Variants in TUBGCP5 observed in about 807,000 individuals in gnomAD.
TUBGCP5 encodes tubulin gamma complex component 5, also known as gamma-tubulin complex component 5.
A neutral mutation model predicts 134.7 loss-of-function variants in TUBGCP5; 98 were observed. The ratio of observed to expected loss-of-function variants is 0.73; its 90% CI spans 0.62 to 0.86. The LOEUF is 0.86. Among genes scored for constraint, TUBGCP5 ranks in the 40% least tolerant of loss-of-function variants. TUBGCP5 has a pLI of 0.00. For synonymous variants in TUBGCP5, 456 were observed against 431.4 expected (o/e 1.06, Z -0.71); for missense variants, 1,150 against 1,244.8 (o/e 0.92, Z 1.15).
chr15:23,019,961 A>G (rs1442942715), intron 11 of TUBGCP5, among the ~76,000 whole-genome samples: 7 of 151,548 alleles, frequency 4.6e-5, no homozygotes, highest in East Asian at 2.0e-4. Context: ...TCTAAATCCT[A>G]TTACTAGCAA....
chr15:23,001,294 T>A (rs1032135503), intron 21 of TUBGCP5, among the ~76,000 whole-genome samples: 1 of 149,258 alleles, frequency 6.7e-6, no homozygotes, highest in Non-Finnish European at 1.5e-5. Context: ...CTGCCCCCAC[T>A]GGCCTCCCAA....
intron 10 of TUBGCP5, chr15:23,023,643 ACT>A (rs1194072360): frequency 3.5e-6 from 1 of 287,882 alleles, no homozygotes; most frequent in Non-Finnish European, 6.6e-6. Context: ...GTATGTTGAA[ACT>A]CTTTCTGGAA....
intron 20 of TUBGCP5, among the ~76,000 whole-genome samples, chr15:23,003,632 GTTTTTTTTTTTTTTTTTT>G (rs531926227): frequency 1.5e-4 from 13 of 88,690 alleles, no homozygotes; most frequent in African/African-American, 4.8e-4. Flanking sequence ...TCCTCCTTCT[GTTTTTTTTTTTTTTTTTT>G]TTTTTTTTTT....
chr15:23,016,293 G>A (rs1178669813), intron 13 of TUBGCP5, among the ~76,000 whole-genome samples: 1 of 152,204 alleles, frequency 6.6e-6, no homozygotes, highest in Non-Finnish European at 1.5e-5. Flanking sequence ...AGGAGTTCGA[G>A]ATCAGCCTGG....
Position 23,029,476 on chromosome 15 carries a change from C to T in TUBGCP5, c.622+1409G>A, listed in dbSNP as rs555219513. ...CCTCAAGTGATCCACCCAGCTCGGC[C>T]TCCCAAAGTGCTGCGATTACAGGCG... On this transcript the variant is annotated intron_variant, in intron 6 of 22. Coordinates refer to ENST00000615383, the MANE Select transcript of TUBGCP5 (RefSeq NM_052903.6). 5.9e-3 allele frequency among the ~76,000 whole-genome samples: 898 copies of T among 152,278 alleles called. 13 individuals are homozygous for T. Among genetic ancestry groups the T allele is most frequent in the Non-Finnish European group, 7.9e-3 (537 of 68,016 alleles).
At position 23,032,842 on chromosome 15, in the gene TUBGCP5, G is replaced by C. The variant is rs757258864; in HGVS notation, c.310-18C>G. The C allele has an allele frequency of 1.5e-5, 23 of 1,520,132 alleles. No individual in the cohort carries two copies. In the East Asian group the frequency reaches 5.5e-4, roughly 37 times the overall value. The allele number at this position is 1,520,132 out of a possible 1,614,324, so 94.2% of individuals were successfully genotyped here. A position where few individuals can be genotyped will look rare whatever the true frequency, so the allele number is the denominator to read the frequency against. On this transcript the variant is annotated intron_variant, in intron 3 of 22. Transcript: ENST00000615383. ...GCATCTGTCTTTAAAACAAAAAAAA[G>C]AACATAAATCTCTGAGGTTGGGAAA...
At chr15:23,035,248 G>C (rs2066517962) in intron 3 of TUBGCP5, among the ~76,000 whole-genome samples, 1 of 151,512 alleles carries the variant, frequency 6.6e-6, no homozygotes, top group African/African-American at 2.4e-5. Flanking sequence ...AGAATCACTT[G>C]AATCTGGGAA....
chr15:22,994,885 CA>C (rs2063997964), downstream of TUBGCP5, among the ~76,000 whole-genome samples: 3 of 152,030 alleles, frequency 2.0e-5, no homozygotes, highest in African/African-American at 7.2e-5. Context: ...GAGGCCAGTG[CA>C]GGATTGTGCT....
chr15:23,031,928 T>C (rs755016025), intron 5 of TUBGCP5, 22 bp downstream of exon 5: 9 of 1,581,580 alleles, frequency 5.7e-6, no homozygotes, highest in East Asian at 2.2e-5. Context: ...CAATTTTCAA[T>C]AGCAAAACTA....
chr15:23,037,103 C>T lies in TUBGCP5; in HGVS notation c.196G>A (p.Glu66Lys), dbSNP rs758752632. The change falls in exon 2 of 23, where the codon GAA becomes AAA. Residue 66 changes from glutamate to lysine, a missense_variant. Transcript: ENST00000615383. ...VNSHKIEKTI[E>K]GIYEKFVIHS... ...TATATATACACACTGACTTACCCTT[C>T]GATTGTTTTTTCTATTTTGTGGCTG... is the stretch of plus-strand genomic sequence containing the variant. The T allele has an allele frequency of 4.5e-5, 73 of 1,613,614 alleles. No individual in the cohort carries two copies. The highest frequency in any genetic ancestry group is 6.0e-5 in the Non-Finnish European group (71 of 1,179,918).
intron 3 of TUBGCP5, among the ~76,000 whole-genome samples, chr15:23,036,282 T>G (rs1199883354): frequency 6.6e-6 from 1 of 152,170 alleles, no homozygotes; most frequent in Non-Finnish European, 1.5e-5. Context: ...GGTAATACTT[T>G]GCACATGTTG....
At chr15:22,989,214 C>T (rs1290331520) in intron 23 of TUBGCP5, among the ~76,000 whole-genome samples, 1 of 152,048 alleles carries the variant, frequency 6.6e-6, no homozygotes, top group Non-Finnish European at 1.5e-5. Flanking sequence ...GTCACACGGC[C>T]CAGGGATTAG....
intron 6 of TUBGCP5, among the ~76,000 whole-genome samples, chr15:23,029,215 A>G (rs1164989356): frequency 1.3e-5 from 2 of 152,032 alleles, no homozygotes; most frequent in African/African-American, 4.8e-5. Context: ...CAGCTGGATT[A>G]TTTTTTATTT....
chr15:22,996,887 C>G (rs11858861), downstream of TUBGCP5: 20,469 of 152,020 alleles, frequency 0.13, 1,815 homozygotes, highest in East Asian at 0.46. Flanking sequence ...GGAGTGCTTG[C>G]TCCCCGGAGG....
chr15:23,034,188 C>T (rs1365803267), intron 3 of TUBGCP5, among the ~76,000 whole-genome samples: 1 of 152,130 alleles, frequency 6.6e-6, no homozygotes, highest in Non-Finnish European at 1.5e-5. Flanking sequence ...GGCTCTGGAA[C>T]TTCAGTAATT....
intron 12 of TUBGCP5, among the ~76,000 whole-genome samples, chr15:23,018,299 TC>T (rs2065459837): frequency 6.6e-6 from 1 of 152,216 alleles, no homozygotes; most frequent in Non-Finnish European, 1.5e-5. Flanking sequence ...ACTAATTTGG[TC>T]CTCTTTAGAA....
chr15:23,036,850 AG>A, intron 3 of TUBGCP5, 46 bp downstream of exon 3: 1 of 1,228,220 alleles, frequency 8.1e-7, no homozygotes. Flanking sequence ...ATAATCAGAT[AG>A]GAAACAGTAA....
intron 23 of TUBGCP5, among the ~76,000 whole-genome samples, chr15:22,988,268 AAG>A (rs1300122347): frequency 2.4e-4 from 37 of 151,922 alleles, no homozygotes; most frequent in Non-Finnish European, 5.1e-4. Context: ...GACCCAGAAA[AAG>A]AGGCAGTGTG....
At chr15:23,001,642 T>C (rs370678452) in intron 21 of TUBGCP5, among the ~76,000 whole-genome samples, 16 of 148,306 alleles carry the variant, frequency 1.1e-4, no homozygotes, top group African/African-American at 4.2e-4. Flanking sequence ...TGTGCTCGGC[T>C]TTCTTTCTTT....
Sources: gnomAD v4.1 joint callset for allele counts (sites outside exome capture counted in the v4.1 genomes callset) on GRCh38, gnomAD v4.1.1 for gene constraint, MANE v1.5 for transcripts, NCBI Gene and HGNC (gene_info 2026-07-23, HGNC 2026-07-21) for gene names.